The following CAPS variants were observed in gnomAD, a reference collection of about 807,000 sequenced individuals.
CAPS encodes calcyphosine, also known as calcyphosin.
Under a neutral mutation model 15.5 loss-of-function variants are expected in CAPS, and 16 were observed. That is an observed-to-expected ratio of 1.03 (90% CI 0.70 to 1.57). CAPS has a LOEUF of 1.57. Among genes scored for constraint, CAPS ranks in the 40% most tolerant of loss-of-function variants. The pLI, the probability that CAPS is intolerant of heterozygous loss-of-function variation, is 0.00. For missense variants in CAPS, 294 were observed against 278.4 expected, an observed-to-expected ratio of 1.06 and a Z score of -0.40; for synonymous variants, 121 against 116.0, an observed-to-expected ratio of 1.04 and a Z score of -0.28.
At position 5,915,211 on chromosome 19, in the gene CAPS, C is replaced by T. The variant is rs772180372; in HGVS notation, c.469-10C>T. On this transcript the variant is annotated splice_polypyrimidine_tract_variant and intron_variant, in intron 4 of 4. Transcript: ENST00000588776. The stretch of plus-strand genomic sequence containing the variant: ...CTCGGCCGTGCCCCCTCACGGCCCT[C>T]TGTTCCCAGGTCACACTGGCGGAAT... The T allele has an allele frequency of 1.2e-6, 2 of 1,612,184 alleles. No homozygotes were observed. Among genetic ancestry groups the T allele is most frequent in the Non-Finnish European group, 8.5e-7 (1 of 1,179,428 alleles).
Position 5,916,143 on chromosome 19 carries a change from A to C in CAPS, c.*821A>C, listed in dbSNP as rs2057733851. 6.6e-6 allele frequency: 1 copy of C among 152,152 alleles called. No homozygotes were observed. The highest frequency in any genetic ancestry group is 1.5e-5 in the Non-Finnish European group (1 of 68,030). 9.4% of individuals were successfully genotyped at this position (152,152 alleles called of 1,614,324 possible). On this transcript the variant is annotated 3_prime_UTR_variant, in exon 5 of 5. Coordinates refer to ENST00000588776, the MANE Select transcript of CAPS (RefSeq NM_004058.5). ...TGGGGCATGCAGAGGCCAGGGTTTT[A>C]GTTAAAAGTTTAATGTAGTTCCCAA...
At position 5,915,551 on chromosome 19, in the gene CAPS, C is replaced by T. The variant is rs1007410344; in HGVS notation, c.*229C>T. On this transcript the variant is annotated 3_prime_UTR_variant, in exon 5 of 5. Coordinates refer to ENST00000588776, the MANE Select transcript of CAPS (RefSeq NM_004058.5). Reference sequence around the variant, plus strand: ...ACTGGCTCAGGACCCCAGGGAGAAACGCTCTCCCCACCCACGCCATGCTGA... The same window carrying T: ...ACTGGCTCAGGACCCCAGGGAGAAATGCTCTCCCCACCCACGCCATGCTGA... 2.5e-4 allele frequency: 129 copies of T among 520,740 alleles called. No individual in the cohort carries two copies. The highest frequency in any genetic ancestry group is 6.0e-4 in the Admixed American group (18 of 30,210). 32.3% of individuals were successfully genotyped at this position (520,740 alleles called of 1,614,324 possible). A position where few individuals can be genotyped will look rare whatever the true frequency, so the allele number is the denominator to read the frequency against.
rs190148141 is a variant in CAPS at position 5,914,584 on chromosome 19, G to A, written c.105G>A (p.Arg35=). ...GLARFFRQLD[R]DGSRSLDADE... ...CCAGGTTTTTCCGCCAACTAGACCG[G>A]GACGGGAGCAGATCCCTGGACGCTG... is the stretch of plus-strand genomic sequence containing the variant. Residue 35 remains arginine (R), a synonymous_variant, in exon 3 of 5, where the codon CGG becomes CGA. Transcript: ENST00000588776. The A allele has an allele frequency of 1.9e-6, 3 of 1,611,080 alleles. No homozygotes were observed. Among genetic ancestry groups the A allele is most frequent in the African/African-American group, 2.7e-5 (2 of 74,912 alleles).
Position 5,915,220 on chromosome 19 carries a change from G to A in CAPS, c.469-1G>A, listed in dbSNP as rs776141046. 3 of 1,612,782 alleles carry A rather than the reference G, an allele frequency of 1.9e-6. No individual in the cohort carries two copies. The highest frequency in any genetic ancestry group is 2.5e-6 in the Non-Finnish European group (3 of 1,179,744). On this transcript the variant is annotated splice_acceptor_variant, in intron 4 of 4. Transcript: ENST00000588776. LOFTEE classifies it high-confidence loss of function. ...GCCCCCTCACGGCCCTCTGTTCCCA[G>A]GTCACACTGGCGGAATTCCAGGACT...
At chr19:5,914,785 G>A (rs200346045) in intron 3 of CAPS, 45 bp downstream of exon 3, 74 of 1,576,806 alleles carry the variant, frequency 4.7e-5, no homozygotes, top group Admixed American at 1.9e-4. Context: ...TGGGCATGGG[G>A]CGACAGAGGA....
chr19:5,914,940 CCCCCCATGTCCCAGG>C lies in CAPS; in HGVS notation c.266_280del (p.Pro89_Ala93del), dbSNP rs764895542. 4.4e-6 allele frequency: 7 copies of C among 1,601,162 alleles called. No individual in the cohort carries two copies. The highest frequency in any genetic ancestry group is 5.1e-6 in the Non-Finnish European group (6 of 1,178,050). ...CCCCAGTCACCACCTCCTGTCCCAG[CCCCCCATGTCCCAGG>C]CCCGGGAGGCTGTCATCGCAGCTGC... On this transcript the variant is annotated inframe_deletion and splice_region_variant, in exon 4 of 5. Transcript: ENST00000588776.
At position 5,915,352 on chromosome 19, in the gene CAPS, C is replaced by T. The variant is rs1275848018; in HGVS notation, c.*30C>T. On this transcript the variant is annotated 3_prime_UTR_variant, in exon 5 of 5. Transcript: ENST00000588776. ...CTCCGGCTCAGCCCTGCTGCCCTGG[C>T]CTGTCACTCCCCACCCCTGCCGGAG... 6.7e-7 allele frequency: 1 copy of T among 1,497,626 alleles called. No individual in the cohort carries two copies. The highest frequency in any genetic ancestry group is 1.4e-5 in the African/African-American group (1 of 72,860). The allele number at this position is 1,497,626 out of a possible 1,614,324, so 92.8% of individuals were successfully genotyped here.
At position 5,914,658 on chromosome 19, in the gene CAPS, C is replaced by A. The variant is rs147589280; in HGVS notation, c.179C>A (p.Ala60Glu). 1.1e-5 allele frequency: 17 copies of A among 1,613,988 alleles called. No homozygotes were observed. The East Asian group carries it at 3.3e-4, about 32-fold the overall frequency. The change falls in exon 3 of 5, where the codon GCG (alanine) becomes GAG (glutamate). Residue 60 changes from alanine (A) to glutamate (E), a missense_variant. Coordinates refer to ENST00000588776, the MANE Select transcript of CAPS (RefSeq NM_004058.5). ...LAKLGLVLDQAEAEGVCRKWD... is the reference protein window; with the variant it reads ...LAKLGLVLDQEEAEGVCRKWD... Reference sequence around the variant, plus strand: ...AAACTCGGGCTGGTGCTGGACCAGGCGGAGGCAGAGGGTGTGTGCAGGAAG... The same window carrying A: ...AAACTCGGGCTGGTGCTGGACCAGGAGGAGGCAGAGGGTGTGTGCAGGAAG...
rs1229078272 is a variant in CAPS at position 5,916,046 on chromosome 19, G to C, written c.*724G>C. 6.6e-6 allele frequency: 1 copy of C among 152,134 alleles called. No homozygotes were observed. The highest frequency in any genetic ancestry group is 1.5e-5 in the Non-Finnish European group (1 of 68,086). The allele number at this position is 152,134 out of a possible 1,614,324, so 9.4% of individuals were successfully genotyped here. ...GGTGACACGCTGGGTGGGAGCATGAGGCCCCAGGCTGCTGGAGGTCCTCGC... is the reference window on the plus strand; with the variant it reads ...GGTGACACGCTGGGTGGGAGCATGACGCCCCAGGCTGCTGGAGGTCCTCGC... On this transcript the variant is annotated 3_prime_UTR_variant, in exon 5 of 5. Transcript: ENST00000588776.
chr19:5,915,005 G>A lies in CAPS; in HGVS notation c.327G>A (p.Gly109=). Reference sequence around the variant, plus strand: ...CATTTGCCAAGCTGGACCGCAGTGGGGACGGCGTCGTGACGGTGGACGACC... The same window carrying A: ...CATTTGCCAAGCTGGACCGCAGTGGAGACGGCGTCGTGACGGTGGACGACC... ...AAAFAKLDRS[G]DGVVTVDDLR... The change falls in exon 4 of 5, where the codon GGG becomes GGA. Residue 109 remains glycine (G), a synonymous_variant. Coordinates refer to ENST00000588776, the MANE Select transcript of CAPS (RefSeq NM_004058.5). 2 of 1,611,768 alleles carry A rather than the reference G, an allele frequency of 1.2e-6. No individual in the cohort carries two copies. Among genetic ancestry groups the A allele is most frequent in the Non-Finnish European group, 1.7e-6 (2 of 1,179,922 alleles).
In CAPS at chr19:5,914,572, C is replaced by A; in HGVS notation, c.93C>A (p.Arg31=). ...TGTCCCCTGCCTCCAGGTTTTTCCG[C>A]CAACTAGACCGGGACGGGAGCAGAT... ...SGIQGLARFF[R]QLDRDGSRSL... The change falls in exon 3 of 5, where the codon CGC becomes CGA. Residue 31 remains arginine (R), a synonymous_variant. Coordinates refer to ENST00000588776, the MANE Select transcript of CAPS (RefSeq NM_004058.5). 1 of 1,605,414 alleles carries A rather than the reference C, an allele frequency of 6.2e-7. No homozygotes were observed. The highest frequency in any genetic ancestry group is 1.1e-5 in the South Asian group (1 of 90,582).
Position 5,915,310 on chromosome 19 carries a change from C to G in CAPS, c.558C>G (p.Ala186=). The G allele has an allele frequency of 1.9e-6, 3 of 1,609,902 alleles. No individual in the cohort carries two copies. Among genetic ancestry groups the G allele is most frequent in the Non-Finnish European group, 2.5e-6 (3 of 1,179,016 alleles). ...DEEFVAMMTS[A]WQL ...AGTTCGTGGCCATGATGACCAGTGC[C>G]TGGCAGCTGTGAGCAGCTCCGGCTC... Residue 186 remains alanine, a synonymous_variant, in exon 5 of 5, where the codon GCC becomes GCG. Coordinates refer to ENST00000588776, the MANE Select transcript of CAPS (RefSeq NM_004058.5).
Position 5,914,698 on chromosome 19 carries a change from C to T in CAPS, c.219C>T (p.Gly73=). 1 of 1,613,648 alleles carries T rather than the reference C, an allele frequency of 6.2e-7. No homozygotes were observed. Among genetic ancestry groups the T allele is most frequent in the Non-Finnish European group, 8.5e-7 (1 of 1,179,848 alleles). ...TGTGCAGGAAGTGGGACCGCAATGG[C>T]AGCGGGACGCTGGATCTGGAGGAGT... ...EGVCRKWDRN[G]SGTLDLEEFL... Residue 73 remains glycine (G), a synonymous_variant, in exon 3 of 5, where the codon GGC becomes GGT. Transcript: ENST00000588776.
Position 5,915,154 on chromosome 19 carries a change from G to C in CAPS, c.468+8G>C. 4 of 1,612,430 alleles carry C rather than the reference G, an allele frequency of 2.5e-6. No individual in the cohort carries two copies. The highest frequency in any genetic ancestry group is 3.4e-6 in the Non-Finnish European group (4 of 1,179,516). On this transcript the variant is annotated splice_region_variant and intron_variant, in intron 4 of 4. Transcript: ENST00000588776. ...TCTGAGAAGGACGGGCAGGTGGGTG[G>C]CTGCGCGGGGGGCCCCCTCCCCAGG...
rs778350714 is a variant in CAPS at position 5,914,375 on chromosome 19, T to A, written c.-22-10T>A. On this transcript the variant is annotated splice_polypyrimidine_tract_variant and intron_variant, in intron 1 of 4. Coordinates refer to ENST00000588776, the MANE Select transcript of CAPS (RefSeq NM_004058.5). Reference sequence around the variant, plus strand: ...GCGGGAGTCCCCACCTTGACCTCTCTCCCTTCCAGCTGCCCAGAGCCCAGA... The same window carrying A: ...GCGGGAGTCCCCACCTTGACCTCTCACCCTTCCAGCTGCCCAGAGCCCAGA... The A allele has an allele frequency of 3.7e-6, 6 of 1,612,856 alleles. No individual in the cohort carries two copies. Among genetic ancestry groups the A allele is most frequent in the Admixed American group, 1.7e-5 (1 of 59,996 alleles).
chr19:5,914,369 C>T lies in CAPS; in HGVS notation c.-22-16C>T, dbSNP rs369346644. 6.2e-7 allele frequency: 1 copy of T among 1,612,992 alleles called. No individual in the cohort carries two copies. Among genetic ancestry groups the T allele is most frequent in the East Asian group, 2.2e-5 (1 of 44,878 alleles). ...GGGCTTGCGGGAGTCCCCACCTTGA[C>T]CTCTCTCCCTTCCAGCTGCCCAGAG... On this transcript the variant is annotated splice_polypyrimidine_tract_variant and intron_variant, in intron 1 of 4. Transcript: ENST00000588776.
In CAPS at chr19:5,914,554, T is replaced by C; in HGVS notation, c.84-9T>C. Reference sequence around the variant, plus strand: ...AGACCACTGTTCCAACCGTGTCCCCTGCCTCCAGGTTTTTCCGCCAACTAG... The same window carrying C: ...AGACCACTGTTCCAACCGTGTCCCCCGCCTCCAGGTTTTTCCGCCAACTAG... On this transcript the variant is annotated splice_polypyrimidine_tract_variant and intron_variant, in intron 2 of 4. Coordinates refer to ENST00000588776, the MANE Select transcript of CAPS (RefSeq NM_004058.5). The C allele has an allele frequency of 6.2e-7, 1 of 1,603,704 alleles. No homozygotes were observed. The highest frequency in any genetic ancestry group is 1.3e-5 in the African/African-American group (1 of 74,906).
At chr19:5,915,175 C>A in intron 4 of CAPS, 29 bp downstream of exon 4, 1 of 1,611,552 alleles carries the variant, frequency 6.2e-7, no homozygotes, top group Admixed American at 1.7e-5. Context: ...GGCCCCCTCC[C>A]CAGGCAGTTC....
chr19:5,915,603 G>T lies in CAPS; in HGVS notation c.*281G>T. ...CAGAGATCTTGCAGCCCCTGTGGAT[G>T]CCCCCGCCGAGGTCCCCCGATCCCC... On this transcript the variant is annotated 3_prime_UTR_variant, in exon 5 of 5. Transcript: ENST00000588776. The T allele has an allele frequency of 2.7e-6, 1 of 370,586 alleles. No homozygotes were observed. The highest frequency in any genetic ancestry group is 5.0e-6 in the Non-Finnish European group (1 of 201,404). The allele number at this position is 370,586 out of a possible 1,614,324, so 23.0% of individuals were successfully genotyped here.
Sources: allele counts gnomAD v4.1 joint callset, GRCh38; gene constraint gnomAD v4.1.1; transcripts MANE v1.5; gene names NCBI Gene and HGNC (gene_info 2026-07-23, HGNC 2026-07-21).